DLG2: variants seen among roughly 807,000 people sequenced by gnomAD.
The protein encoded by DLG2 is disks large homolog 2.
A neutral mutation model predicts 132.5 loss-of-function variants in DLG2; 45 were observed. That is an observed-to-expected ratio of 0.34 (90% confidence interval 0.27 to 0.44). DLG2 has a LOEUF of 0.44. Among genes scored for constraint, DLG2 ranks in the 20% least tolerant of loss-of-function variants. DLG2 has a pLI of 1.00. For synonymous variants in DLG2, 424 were observed against 419.6 expected (o/e 1.01, Z -0.13); for missense variants, 1,045 against 1,196.9 (o/e 0.87, Z 1.87).
chr11:84,978,872 C>G, intron 6 of DLG2, among the ~76,000 whole-genome samples: 1 of 152,100 alleles, frequency 6.6e-6, no homozygotes, highest in South Asian at 2.1e-4. Context: ...TCAGAGTGAA[C>G]AGGCAACCTA....
chr11:84,173,512 T>C (rs923110534), intron 8 of DLG2, among the ~76,000 whole-genome samples: 2 of 152,262 alleles, frequency 1.3e-5, no homozygotes, highest in East Asian at 3.9e-4. Flanking sequence ...TCAAAGCACA[T>C]AGCCAAAATA....
chr11:84,462,641 G>T (rs2099083498), intron 7 of DLG2, among the ~76,000 whole-genome samples: 1 of 151,120 alleles, frequency 6.6e-6, no homozygotes, highest in Non-Finnish European at 1.5e-5. Flanking sequence ...TGCCAGTTTA[G>T]TTCCAAAGAA....
intron 6 of DLG2, among the ~76,000 whole-genome samples, chr11:84,961,195 A>G (rs997646203): frequency 6.6e-6 from 1 of 151,620 alleles, no homozygotes; most frequent in Non-Finnish European, 1.5e-5. Context: ...TGATCTACAC[A>G]AGCTCAGAAT....
At chr11:84,135,253 C>T (rs1013250349) in intron 9 of DLG2, among the ~76,000 whole-genome samples, 2 of 151,932 alleles carry the variant, frequency 1.3e-5, no homozygotes, top group African/African-American at 4.8e-5. Flanking sequence ...CATTTAATTC[C>T]CTGACTAGGT....
chr11:85,501,412 G>A (rs1191065503), intron 3 of DLG2, among the ~76,000 whole-genome samples: 2 of 152,078 alleles, frequency 1.3e-5, no homozygotes, highest in African/African-American at 4.8e-5. Flanking sequence ...AGCCAAACTA[G>A]ACAAATGGGA....
intron 3 of DLG2, among the ~76,000 whole-genome samples, chr11:85,537,746 G>A (rs1165359267): frequency 6.6e-6 from 1 of 151,818 alleles, no homozygotes; most frequent in Non-Finnish European, 1.5e-5. Flanking sequence ...GTGAGACCAC[G>A]AACCCACCAG....
chr11:85,439,356 ATTTT>A (rs35516320), intron 3 of DLG2, among the ~76,000 whole-genome samples: 6 of 132,410 alleles, frequency 4.5e-5, no homozygotes, highest in Admixed American at 1.5e-4. Flanking sequence ...CTTCCTCAGC[ATTTT>A]TTTTTTTTTT....
chr11:84,470,716 A>T (rs1427262988), intron 7 of DLG2, among the ~76,000 whole-genome samples: 4 of 151,812 alleles, frequency 2.6e-5, no homozygotes, highest in African/African-American at 9.7e-5. Context: ...CTGAATGATA[A>T]AGGAAGTTTG....
At chr11:83,543,352 G>T (rs2096138693) in intron 19 of DLG2, among the ~76,000 whole-genome samples, 1 of 152,136 alleles carries the variant, frequency 6.6e-6, no homozygotes. Flanking sequence ...TTGAGCCACA[G>T]GTTTTTTGAT....
chr11:84,691,337 T>C (rs1410930865), intron 6 of DLG2, among the ~76,000 whole-genome samples: 4 of 151,852 alleles, frequency 2.6e-5, no homozygotes, highest in Non-Finnish European at 5.9e-5. Flanking sequence ...CATTTGTACG[T>C]GTTTAGAACA....
chr11:84,810,618 G>C (rs538524462), intron 6 of DLG2, among the ~76,000 whole-genome samples: 2 of 152,088 alleles, frequency 1.3e-5, no homozygotes, highest in Non-Finnish European at 2.9e-5. Context: ...AAATAACCTA[G>C]TAGTTAACCT....
chr11:84,932,383 T>C (rs2374577), intron 6 of DLG2, among the ~76,000 whole-genome samples: 72,877 of 151,924 alleles, frequency 0.48, 17,915 homozygotes, highest in East Asian at 0.7. Flanking sequence ...GAATCCTTTC[T>C]CCATTGCTTG....
chr11:84,332,157 C>T (rs904294002), intron 7 of DLG2, among the ~76,000 whole-genome samples: 1 of 151,774 alleles, frequency 6.6e-6, no homozygotes, highest in Non-Finnish European at 1.5e-5. Context: ...GATATTTTTT[C>T]CTCTCTTGTC....
At chr11:84,464,775 A>G (rs2099089587) in intron 7 of DLG2, among the ~76,000 whole-genome samples, 1 of 151,208 alleles carries the variant, frequency 6.6e-6, no homozygotes, top group Non-Finnish European at 1.5e-5. Context: ...AGATATGAAT[A>G]AGAGAAAAAT....
intron 6 of DLG2, among the ~76,000 whole-genome samples, chr11:84,692,264 TG>T (rs901670069): frequency 2.6e-5 from 4 of 151,834 alleles, no homozygotes; most frequent in Non-Finnish European, 5.9e-5. Flanking sequence ...AAATTTAGCA[TG>T]GTATGCTAAG....
At chr11:83,642,261 A>T (rs1206121764) in intron 18 of DLG2, among the ~76,000 whole-genome samples, 1 of 152,234 alleles carries the variant, frequency 6.6e-6, no homozygotes, top group Non-Finnish European at 1.5e-5. Context: ...GAGTTCTGAT[A>T]AACAGAAATG....
intron 5 of DLG2, among the ~76,000 whole-genome samples, chr11:85,134,343 A>G (rs956020339): frequency 6.7e-6 from 1 of 149,880 alleles, no homozygotes; most frequent in Non-Finnish European, 1.5e-5. Context: ...TCCCGGCTAA[A>G]ACGGTGAAAC....
intron 7 of DLG2, among the ~76,000 whole-genome samples, chr11:84,253,836 T>C (rs1301387223): frequency 2.0e-5 from 3 of 152,114 alleles, no homozygotes; most frequent in African/African-American, 7.2e-5. Flanking sequence ...AATTCATTTT[T>C]CCCCACTAAG....
At chr11:84,243,017 C>CTA (rs71465003) in intron 8 of DLG2, among the ~76,000 whole-genome samples, 24 of 142,204 alleles carry the variant, frequency 1.7e-4, no homozygotes, top group Admixed American at 4.9e-4. Context: ...CTCTCTCTCT[C>CTA]TATATATATA....
Sources: gnomAD v4.1 joint callset for allele counts (sites outside exome capture counted in the v4.1 genomes callset) on GRCh38, gnomAD v4.1.1 for gene constraint, MANE v1.5 for transcripts, NCBI Gene and HGNC (gene_info 2026-07-23, HGNC 2026-07-21) for gene names.